FAM193A: variants seen among roughly 807,000 people sequenced by gnomAD.
The protein encoded by FAM193A is family with sequence similarity 193 member A, also known as protein FAM193A.
FAM193A carries 22 observed loss-of-function variants against 126.5 expected under a neutral mutation model. The ratio of observed to expected loss-of-function variants is 0.17; its 90% CI spans 0.12 to 0.25. The LOEUF is 0.25. FAM193A is among the 10% of genes least tolerant of loss of function. FAM193A has a pLI of 1.00. For missense variants in FAM193A, 1,675 were observed against 1,672.8 expected, an observed-to-expected ratio of 1.00 and a Z score of -0.02; for synonymous variants, 761 against 646.8, an observed-to-expected ratio of 1.18 and a Z score of -2.68.
At chr4:2,726,124 C>T (rs1325650176) in intron 20 of FAM193A, among the ~76,000 whole-genome samples, 1 of 152,160 alleles carries the variant, frequency 6.6e-6, no homozygotes, top group Non-Finnish European at 1.5e-5. Context: ...TGGTCTCGAT[C>T]TCCCGACCTC....
intron 1 of FAM193A, among the ~76,000 whole-genome samples, chr4:2,549,621 C>A (rs1375385752): frequency 2.0e-5 from 3 of 151,540 alleles, no homozygotes; most frequent in Non-Finnish European, 4.4e-5. Flanking sequence ...TGGTCTCGAT[C>A]TCCTGACCTC....
At chr4:2,693,050 AT>A (rs11342315) in intron 15 of FAM193A, among the ~76,000 whole-genome samples, 8,955 of 147,020 alleles carry the variant, frequency 0.061, 789 homozygotes, top group African/African-American at 0.2. Flanking sequence ...GAAAAAGGTG[AT>A]TTTTTTTTTT....
intron 20 of FAM193A, among the ~76,000 whole-genome samples, chr4:2,719,353 A>G (rs13125136): frequency 0.011 from 1,723 of 152,352 alleles, 15 homozygotes; most frequent in South Asian, 0.026. Context: ...TTCAAAAAAA[A>G]GAAACAATAT....
chr4:2,659,276 G>C (rs1712100683), intron 8 of FAM193A, among the ~76,000 whole-genome samples: 1 of 152,178 alleles, frequency 6.6e-6, no homozygotes, highest in South Asian at 2.1e-4. Context: ...GGCAGACAGG[G>C]TAAAGGCCGG....
At chr4:2,616,818 G>A (rs1742216083) in intron 2 of FAM193A, among the ~76,000 whole-genome samples, 1 of 150,836 alleles carries the variant, frequency 6.6e-6, no homozygotes. Flanking sequence ...TGCCCGCCCT[G>A]GCCTCCCAAA....
At chr4:2,553,049 T>A (rs763144105) in intron 1 of FAM193A, among the ~76,000 whole-genome samples, 4 of 151,962 alleles carry the variant, frequency 2.6e-5, no homozygotes, top group Non-Finnish European at 5.9e-5. Flanking sequence ...GGTTTTGCCA[T>A]GTTGGTCAGG....
intron 19 of FAM193A, among the ~76,000 whole-genome samples, chr4:2,703,285 C>A (rs1414821215): frequency 2.6e-5 from 4 of 152,172 alleles, no homozygotes; most frequent in Admixed American, 1.3e-4. Context: ...CTCACTCTGT[C>A]ATCTAGGCTG....
intron 1 of FAM193A, among the ~76,000 whole-genome samples, chr4:2,582,048 T>C (rs1254020555): frequency 6.6e-6 from 1 of 152,200 alleles, no homozygotes; most frequent in Non-Finnish European, 1.5e-5. Context: ...ATTACTCTCT[T>C]CTGGTTTTTA....
intron 2 of FAM193A, among the ~76,000 whole-genome samples, chr4:2,603,237 G>T (rs1004335059): frequency 6.7e-6 from 1 of 148,614 alleles, no homozygotes; most frequent in African/African-American, 2.5e-5. Context: ...TGCCCACCTC[G>T]GCCTCCTGAT....
intron 2 of FAM193A, among the ~76,000 whole-genome samples, chr4:2,613,644 G>A (rs564323468): frequency 6.6e-6 from 1 of 151,608 alleles, no homozygotes; most frequent in Non-Finnish European, 1.5e-5. Flanking sequence ...GTATAGAGAC[G>A]GGTTTCTCCA....
At chr4:2,543,180 C>T (rs1356678942) in intron 1 of FAM193A, among the ~76,000 whole-genome samples, 4 of 151,900 alleles carry the variant, frequency 2.6e-5, no homozygotes, top group Admixed American at 6.6e-5. Context: ...CTCCGCCTCC[C>T]GGGTTCAAGT....
At chr4:2,705,855 TG>T (rs1718243923) in intron 19 of FAM193A, among the ~76,000 whole-genome samples, 1 of 152,126 alleles carries the variant, frequency 6.6e-6, no homozygotes, top group South Asian at 2.1e-4. Context: ...CCCACAGTGC[TG>T]GGATCACAGA....
chr4:2,645,654 G>A (rs554248663), intron 6 of FAM193A, among the ~76,000 whole-genome samples: 1 of 152,052 alleles, frequency 6.6e-6, no homozygotes, highest in Non-Finnish European at 1.5e-5. Context: ...AGCCTCCTGA[G>A]TAGCTGGGAT....
intron 6 of FAM193A, among the ~76,000 whole-genome samples, chr4:2,645,029 C>T (rs1326036545): frequency 2.0e-5 from 2 of 102,146 alleles, no homozygotes; most frequent in Non-Finnish European, 3.9e-5. Context: ...TGTATATATA[C>T]ATGAATGTGT....
At chr4:2,609,410 C>T (rs940247141) in intron 2 of FAM193A, among the ~76,000 whole-genome samples, 2 of 152,092 alleles carry the variant, frequency 1.3e-5, no homozygotes, top group Non-Finnish European at 2.9e-5. Context: ...AAGAAGACTA[C>T]TCGGCAAGTA....
chr4:2,687,286 T>C (rs983667336), intron 13 of FAM193A, among the ~76,000 whole-genome samples: 8 of 152,190 alleles, frequency 5.3e-5, no homozygotes, highest in Non-Finnish European at 8.8e-5. Context: ...TCTAAGACTA[T>C]TGTCCTAGAA....
chr4:2,706,220 TAAATA>T (rs1167733222), intron 19 of FAM193A, among the ~76,000 whole-genome samples: 2 of 150,932 alleles, frequency 1.3e-5, no homozygotes, highest in Admixed American at 6.6e-5. Context: ...AAAACAAAAA[TAAATA>T]AATAAAATCA....
Position 2,659,931 on chromosome 4 carries a change from A to G in FAM193A, c.1622A>G (p.Tyr541Cys), listed in dbSNP as rs747952548. 31 of 1,614,114 alleles carry G rather than the reference A, an allele frequency of 1.9e-5. No individual in the cohort carries two copies. The highest frequency in any genetic ancestry group is 7.7e-5 in the South Asian group (7 of 91,080). Residue 541 changes from tyrosine (Y) to cysteine (C), a missense_variant, in exon 10 of 21, where the codon TAT becomes TGT. Around this residue, in one of 4 missense-constraint regions of FAM193A, gnomAD observed 1,186 missense variants for 1,109.2 expected, o/e 1.07. Transcript: ENST00000637812. ...LPLQVDPAPD[Y>C]LAERSPPSVS... Reference sequence around the variant, plus strand: ...CTTCAAGTGGATCCTGCTCCTGACTATCTTGCTGAGAGGAGCCCGCCCAGT... The same window carrying G: ...CTTCAAGTGGATCCTGCTCCTGACTGTCTTGCTGAGAGGAGCCCGCCCAGT...
At chr4:2,685,195 T>C (rs1715594882) in intron 13 of FAM193A, among the ~76,000 whole-genome samples, 2 of 152,054 alleles carry the variant, frequency 1.3e-5, no homozygotes, top group Non-Finnish European at 2.9e-5. Flanking sequence ...GTTCAGTGTA[T>C]CAAGTGGAGC....
Sources: allele counts gnomAD v4.1 joint callset (sites outside exome capture counted in the v4.1 genomes callset), GRCh38; gene constraint gnomAD v4.1.1; regional missense constraint gnomAD v4.1.1; transcripts MANE v1.5; gene names NCBI Gene and HGNC (gene_info 2026-07-23, HGNC 2026-07-21).